Variants in UHRF1 observed in about 807,000 individuals in gnomAD.
UHRF1 encodes the protein ubiquitin like with PHD and ring finger domains 1, also known as E3 ubiquitin-protein ligase UHRF1.
In UHRF1, 9 loss-of-function variants were observed where a neutral mutation model predicts 96.5. The observed-to-expected ratio is 0.09, with a 90% CI of 0.06 to 0.16. UHRF1 has a LOEUF of 0.16. Among genes scored for constraint, UHRF1 ranks in the 10% least tolerant of loss-of-function variants. The pLI, the probability that UHRF1 is intolerant of heterozygous loss-of-function variation, is 1.00. For missense variants in UHRF1, 626 were observed against 1,131.1 expected (o/e 0.55, Z 6.40); for synonymous variants, 455 against 469.9 (o/e 0.97, Z 0.41).
chr19:4,912,835 C>CT (rs1461700044), intron 2 of UHRF1, among the ~76,000 whole-genome samples: 1 of 152,168 alleles, frequency 6.6e-6, no homozygotes, highest in Non-Finnish European at 1.5e-5. Context: ...TCACAGCTCA[C>CT]TATAGCCTCA....
chr19:4,924,218 C>G (rs959918188), intron 2 of UHRF1, among the ~76,000 whole-genome samples: 1 of 152,118 alleles, frequency 6.6e-6, no homozygotes, highest in South Asian at 2.1e-4. Context: ...GGCGTGATCT[C>G]GGCTCACGGC....
rs573333455 is a variant in UHRF1 at position 4,960,557 on chromosome 19, C to G, written c.2236-100C>G. ...GTGAGACTGAAGGTCAGAGGGGCCTCTGGACCTGGTGAGACTGTCCCCACA... is the reference window on the plus strand; with the variant it reads ...GTGAGACTGAAGGTCAGAGGGGCCTGTGGACCTGGTGAGACTGTCCCCACA... On this transcript the variant is annotated intron_variant, in intron 16 of 16. Coordinates refer to ENST00000650932, the MANE Select transcript of UHRF1 (RefSeq NM_001048201.3). 12 of 1,504,590 alleles carry G rather than the reference C, an allele frequency of 8.0e-6. No homozygotes were observed. In the Admixed American group the frequency reaches 2.2e-4, roughly 28 times the overall value. The allele number at this position is 1,504,590 out of a possible 1,614,324, so 93.2% of individuals were successfully genotyped here.
At chr19:4,957,359 A>G (rs2033885442) in intron 16 of UHRF1, among the ~76,000 whole-genome samples, 1 of 117,224 alleles carries the variant, frequency 8.5e-6, no homozygotes, top group South Asian at 3.0e-4. Flanking sequence ...CCCATGCTGG[A>G]GTGCAGTGGC....
intron 10 of UHRF1, 28 bp downstream of exon 10, chr19:4,945,993 G>GGGGGGC: frequency 3.3e-6 from 3 of 897,252 alleles, no homozygotes; most frequent in Non-Finnish European, 5.3e-6. Context: ...AGGGGTGGGG[G>GGGGGGC]AGGGTTGCTC....
intron 5 of UHRF1, among the ~76,000 whole-genome samples, chr19:4,935,067 G>A (rs1028279255): frequency 3.3e-5 from 5 of 151,796 alleles, no homozygotes; most frequent in African/African-American, 4.8e-5. Context: ...TCCACCTCCC[G>A]GGTTCAAGGG....
At chr19:4,955,562 T>G (rs2033836723) in intron 15 of UHRF1, among the ~76,000 whole-genome samples, 1 of 152,066 alleles carries the variant, frequency 6.6e-6, no homozygotes, top group Admixed American at 6.6e-5. Flanking sequence ...GATTCAGCTG[T>G]GGCCGAGGCC....
intron 2 of UHRF1, among the ~76,000 whole-genome samples, chr19:4,916,401 G>A (rs1051984585): frequency 3.9e-5 from 6 of 152,002 alleles, no homozygotes; most frequent in African/African-American, 1.4e-4. Context: ...TGGCGGAGCC[G>A]TCCCTGGTGA....
chr19:4,909,526 G>A lies in UHRF1; in HGVS notation c.-140G>A, dbSNP rs1349610264. ...AGAGCAGCTGGCAGCGCGGCGGGCAGCGTTTGCCGAGCGGGCGCTCCGGGT... is the reference window on the plus strand; with the variant it reads ...AGAGCAGCTGGCAGCGCGGCGGGCAACGTTTGCCGAGCGGGCGCTCCGGGT... On this transcript the variant is annotated 5_prime_UTR_variant, in exon 1 of 17. Transcript: ENST00000650932. 1.2e-5 allele frequency: 8 copies of A among 658,936 alleles called. No individual in the cohort carries two copies. Among genetic ancestry groups the A allele is most frequent in the Non-Finnish European group, 2.2e-5 (8 of 365,540 alleles). The allele number at this position is 658,936 out of a possible 1,614,324, so 40.8% of individuals were successfully genotyped here. A position where few individuals can be genotyped will look rare whatever the true frequency, so the allele number is the denominator to read the frequency against.
At chr19:4,905,430 GT>G (rs1443441283), upstream of UHRF1, among the ~76,000 whole-genome samples, 1 of 151,208 alleles carries the variant, frequency 6.6e-6, no homozygotes, top group Non-Finnish European at 1.5e-5. Context: ...CAAATTTGTA[GT>G]TTCTTAAAAC....
At chr19:4,935,578 G>A (rs189467652) in intron 5 of UHRF1, among the ~76,000 whole-genome samples, 9 of 151,588 alleles carry the variant, frequency 5.9e-5, no homozygotes, top group East Asian at 5.8e-4. Context: ...CTTGGAGGCC[G>A]CCTGCAGTTC....
intron 2 of UHRF1, among the ~76,000 whole-genome samples, chr19:4,917,796 T>C (rs1236630844): frequency 2.6e-5 from 4 of 151,628 alleles, no homozygotes; most frequent in Admixed American, 2.6e-4. Context: ...TAGCTGGGAC[T>C]ACAGGTGCCT....
At position 4,958,956 on chromosome 19, in the gene UHRF1, T is replaced by C. The variant is rs549013920; in HGVS notation, c.2236-1701T>C. Among the ~76,000 whole-genome samples, 873 of 144,794 alleles carry C rather than the reference T, an allele frequency of 6.0e-3. 11 individuals carry two copies. Among genetic ancestry groups the C allele is most frequent in the African/African-American group, 0.021 (815 of 38,198 alleles). 95.0% of individuals were successfully genotyped at this position (144,794 alleles called of 152,430 possible). A position where few individuals can be genotyped will look rare whatever the true frequency, so the allele number is the denominator to read the frequency against. On this transcript the variant is annotated intron_variant, in intron 16 of 16. Transcript: ENST00000650932. Reference sequence around the variant, plus strand: ...CAGCCTGGGCGTCAGAGCAAGATTCTGTCTCAAAAAAAAAAAAAAAAAATT... The same window carrying C: ...CAGCCTGGGCGTCAGAGCAAGATTCCGTCTCAAAAAAAAAAAAAAAAAATT...
rs768202361 is a variant in UHRF1 at position 4,930,705 on chromosome 19, A to G, written c.409-11A>G. On this transcript the variant is annotated splice_polypyrimidine_tract_variant and intron_variant, in intron 3 of 16. Transcript: ENST00000650932. This position sits in a 1 kb window ranked among gnomAD's most constrained non-coding sequence, Gnocchi z 4.4. Reference sequence around the variant, plus strand: ...CCCGTTGGGATGCCAGACTTCCCTCATTCCTCACAGGTCAATGAGTACGTC... The same window carrying G: ...CCCGTTGGGATGCCAGACTTCCCTCGTTCCTCACAGGTCAATGAGTACGTC... The G allele has an allele frequency of 2.5e-6, 4 of 1,612,542 alleles. No homozygotes were observed. The highest frequency in any genetic ancestry group is 3.4e-6 in the Non-Finnish European group (4 of 1,179,156).
intron 2 of UHRF1, among the ~76,000 whole-genome samples, chr19:4,918,719 T>G (rs2032606249): frequency 1.4e-5 from 2 of 146,176 alleles, no homozygotes; most frequent in Admixed American, 6.8e-5. Flanking sequence ...CAGCTGGTTT[T>G]TTTTTTTTTT....
chr19:4,906,807 TGA>T (rs1422434948), upstream of UHRF1, among the ~76,000 whole-genome samples: 11 of 152,188 alleles, frequency 7.2e-5, no homozygotes, highest in Non-Finnish European at 1.3e-4. Flanking sequence ...TCAGCCACGT[TGA>T]GTTTTCGCAA....
intron 2 of UHRF1, among the ~76,000 whole-genome samples, chr19:4,928,325 CA>C (rs2032937089): frequency 6.6e-6 from 1 of 150,822 alleles, no homozygotes; most frequent in African/African-American, 2.5e-5. Context: ...GGCAAATCAT[CA>C]GGAGGGGGGG....
chr19:4,906,297 A>C (rs2032063117), upstream of UHRF1, among the ~76,000 whole-genome samples: 1 of 152,150 alleles, frequency 6.6e-6, no homozygotes, highest in African/African-American at 2.4e-5. Flanking sequence ...AACCTGAGCT[A>C]ATTTGAAAAA....
chr19:4,912,421 T>C (rs533664825), intron 2 of UHRF1, among the ~76,000 whole-genome samples: 1 of 152,290 alleles, frequency 6.6e-6, no homozygotes, highest in East Asian at 1.9e-4. Context: ...CGTAGGTCAG[T>C]GGCGGGTTGG....
intron 5 of UHRF1, among the ~76,000 whole-genome samples, chr19:4,935,948 C>T (rs935291618): frequency 6.6e-5 from 10 of 152,314 alleles, no homozygotes; most frequent in African/African-American, 2.2e-4. Flanking sequence ...ACCTCAGTCC[C>T]TCCCCTAGCA....
Sources: allele counts gnomAD v4.1 joint callset (sites outside exome capture counted in the v4.1 genomes callset), GRCh38; gene constraint gnomAD v4.1.1; non-coding constraint Gnocchi (gnomAD v3.1); transcripts MANE v1.5; gene names NCBI Gene and HGNC (gene_info 2026-07-23, HGNC 2026-07-21).